The following UNC5D variants were observed in gnomAD, a reference collection of about 807,000 sequenced individuals.
The protein encoded by UNC5D is unc-5 netrin receptor D, also known as netrin receptor UNC5D.
A neutral mutation model predicts 105.4 loss-of-function variants in UNC5D; 39 were observed. The observed-to-expected ratio is 0.37, with a 90% CI of 0.29 to 0.48. The LOEUF (loss-of-function observed/expected upper bound fraction) is 0.48. UNC5D is among the 20% of genes least tolerant of loss of function. UNC5D has a pLI of 0.98. For synonymous variants in UNC5D, 452 were observed against 450.4 expected (o/e 1.00, Z -0.04); for missense variants, 991 against 1,202.4 (o/e 0.82, Z 2.60).
chr8:35,689,395 A>G (rs890117176), intron 7 of UNC5D, among the ~76,000 whole-genome samples: 1 of 152,244 alleles, frequency 6.6e-6, no homozygotes, highest in African/African-American at 2.4e-5. Flanking sequence ...CCTAACTCTG[A>G]TATCTGAGAT....
chr8:35,401,853 G>T (rs1233548093), intron 1 of UNC5D, among the ~76,000 whole-genome samples: 1 of 152,170 alleles, frequency 6.6e-6, no homozygotes, highest in African/African-American at 2.4e-5. Context: ...AAAGAAACTG[G>T]CAAAGTCGGC....
At chr8:35,296,117 G>A (rs1324559132) in intron 1 of UNC5D, among the ~76,000 whole-genome samples, 1 of 152,166 alleles carries the variant, frequency 6.6e-6, no homozygotes, top group East Asian at 1.9e-4. Context: ...GAATGCTACA[G>A]CGATCATGGA....
At chr8:35,539,868 G>A (rs1319818147) in intron 1 of UNC5D, among the ~76,000 whole-genome samples, 1 of 151,998 alleles carries the variant, frequency 6.6e-6, no homozygotes, top group Non-Finnish European at 1.5e-5. Context: ...TCCCTCTTTT[G>A]TTTCGTCTTT....
chr8:35,247,676 A>C (rs1368776218), intron 1 of UNC5D, among the ~76,000 whole-genome samples: 2 of 9,084 alleles, frequency 2.2e-4, no homozygotes, highest in African/African-American at 1.2e-3. Flanking sequence ...TAATATATAA[A>C]TATATATTAT....
intron 1 of UNC5D, among the ~76,000 whole-genome samples, chr8:35,268,713 C>T (rs1805063320): frequency 6.6e-6 from 1 of 152,064 alleles, no homozygotes; most frequent in Non-Finnish European, 1.5e-5. Flanking sequence ...ACTCTGGGCA[C>T]TGTTCTAAAT....
intron 1 of UNC5D, among the ~76,000 whole-genome samples, chr8:35,522,885 C>A (rs1249995881): frequency 1.3e-5 from 2 of 152,078 alleles, no homozygotes; most frequent in Non-Finnish European, 2.9e-5. Context: ...TTTCCTCAAC[C>A]CACAACATAA....
intron 3 of UNC5D, among the ~76,000 whole-genome samples, chr8:35,577,769 G>A (rs1202880123): frequency 6.6e-6 from 1 of 152,068 alleles, no homozygotes; most frequent in Non-Finnish European, 1.5e-5. Flanking sequence ...TTACAAAGGG[G>A]TAACTAGATA....
At chr8:35,272,132 GA>G (rs1457109831) in intron 1 of UNC5D, among the ~76,000 whole-genome samples, 1 of 151,502 alleles carries the variant, frequency 6.6e-6, no homozygotes, top group Non-Finnish European at 1.5e-5. Context: ...TTCATGAAAA[GA>G]AAAAAAATAA....
At chr8:35,416,891 GTTCT>G (rs1805566865) in intron 1 of UNC5D, among the ~76,000 whole-genome samples, 1 of 152,046 alleles carries the variant, frequency 6.6e-6, no homozygotes. Context: ...CTATTTGAGG[GTTCT>G]TTATTTATTG....
At chr8:35,330,169 T>C (rs1452500537) in intron 1 of UNC5D, among the ~76,000 whole-genome samples, 1 of 152,250 alleles carries the variant, frequency 6.6e-6, no homozygotes, top group Non-Finnish European at 1.5e-5. Flanking sequence ...TGACTCCAGA[T>C]TCTAGGTCCT....
intron 11 of UNC5D, among the ~76,000 whole-genome samples, chr8:35,739,999 C>T (rs915636389): frequency 2.6e-5 from 4 of 152,118 alleles, no homozygotes; most frequent in Admixed American, 6.5e-5. Context: ...TATGGAGCTT[C>T]GCTCTGCAAA....
chr8:35,305,593 C>G (rs868196865), intron 1 of UNC5D, among the ~76,000 whole-genome samples: 1 of 142,022 alleles, frequency 7.0e-6, no homozygotes, highest in Non-Finnish European at 1.5e-5. Context: ...TTCTTTCTTT[C>G]TTTCTTTCTT....
intron 1 of UNC5D, among the ~76,000 whole-genome samples, chr8:35,490,062 T>C (rs1811102753): frequency 1.3e-5 from 2 of 152,374 alleles, no homozygotes; most frequent in South Asian, 4.1e-4. Context: ...GGATACATTA[T>C]GAAGATATTA....
At chr8:35,331,946 G>A (rs114113296) in intron 1 of UNC5D, among the ~76,000 whole-genome samples, 1,802 of 152,274 alleles carry the variant, frequency 0.012, 39 homozygotes, top group African/African-American at 0.042. Flanking sequence ...TATTTGGTAG[G>A]CATCATTATG....
chr8:35,314,191 T>A (rs1172835451), intron 1 of UNC5D, among the ~76,000 whole-genome samples: 1 of 152,210 alleles, frequency 6.6e-6, no homozygotes, highest in African/African-American at 2.4e-5. Flanking sequence ...CTGCCTATTC[T>A]TGTTTTTAGA....
Position 35,774,482 on chromosome 8 carries a change from T to C in UNC5D, c.2657+5T>C. ...ACAGAAAAACAGCATCAACAGGTAA[T>C]TGGGGACAGCTTCTGGAAGACGATG... On this transcript the variant is annotated splice_donor_5th_base_variant and intron_variant, in intron 16 of 16. Coordinates refer to ENST00000404895, the MANE Select transcript of UNC5D (RefSeq NM_080872.4). 8 of 1,613,696 alleles carry C rather than the reference T, an allele frequency of 5.0e-6. No individual in the cohort carries two copies. In the South Asian group the frequency reaches 7.7e-5, roughly 16 times the overall value.
chr8:35,650,235 G>C (rs1272751749), intron 4 of UNC5D, among the ~76,000 whole-genome samples: 1 of 152,118 alleles, frequency 6.6e-6, no homozygotes, highest in Non-Finnish European at 1.5e-5. Context: ...GATGACCGAG[G>C]CTCTGGCCTG....
Position 35,236,938 on chromosome 8 carries a change from G to A in UNC5D, c.103+1051G>A, listed in dbSNP as rs185448481. Among the ~76,000 whole-genome samples the A allele has an allele frequency of 3.7e-3, 561 of 152,214 alleles. 2 individuals are homozygous for A. Among genetic ancestry groups the A allele is most frequent in the African/African-American group, 0.013 (550 of 41,538 alleles). Reference sequence around the variant, plus strand: ...CTTGCCAGGGGAGAGGTGGAGCTGAGCTGACCACTTCACCTGCTCTGTTCG... The same window carrying A: ...CTTGCCAGGGGAGAGGTGGAGCTGAACTGACCACTTCACCTGCTCTGTTCG... On this transcript the variant is annotated intron_variant, in intron 1 of 16. Coordinates refer to ENST00000404895, the MANE Select transcript of UNC5D (RefSeq NM_080872.4).
At chr8:35,384,172 T>C (rs1413858670) in intron 1 of UNC5D, among the ~76,000 whole-genome samples, 2 of 148,646 alleles carry the variant, frequency 1.3e-5, no homozygotes, top group Non-Finnish European at 3.0e-5. Context: ...TAAGCCGAGA[T>C]CGTGCCACTA....
Sources: gnomAD v4.1 joint callset for allele counts (sites outside exome capture counted in the v4.1 genomes callset) on GRCh38, gnomAD v4.1.1 for gene constraint, MANE v1.5 for transcripts, NCBI Gene and HGNC (gene_info 2026-07-23, HGNC 2026-07-21) for gene names.